Variants in CCSER1 observed in about 807,000 individuals in gnomAD.
CCSER1 encodes the protein coiled-coil serine rich protein 1.
A neutral mutation model predicts 82.0 loss-of-function variants in CCSER1; 41 were observed. The ratio of observed to expected loss-of-function variants is 0.50; its 90% confidence interval spans 0.39 to 0.65. CCSER1 has a LOEUF of 0.65. Among genes scored for constraint, CCSER1 ranks in the 30% least tolerant of loss-of-function variants. CCSER1 has a pLI of 0.00. For missense variants in CCSER1, 1,119 were observed against 1,064.2 expected, an observed-to-expected ratio of 1.05 and a Z score of -0.72; for synonymous variants, 414 against 383.9, an observed-to-expected ratio of 1.08 and a Z score of -0.92.
intron 10 of CCSER1, among the ~76,000 whole-genome samples, chr4:91,523,222 G>T (rs183864430): frequency 1.6e-4 from 24 of 152,292 alleles, no homozygotes; most frequent in African/African-American, 5.5e-4. Context: ...CAGAAATGAA[G>T]CTGACTTGAT....
intron 9 of CCSER1, among the ~76,000 whole-genome samples, chr4:91,054,236 G>C (rs17017997): frequency 0.17 from 26,034 of 152,090 alleles, 2,320 homozygotes; most frequent in Admixed American, 0.23. Flanking sequence ...TGAGGTGAGG[G>C]AGCACCCTAG....
At chr4:90,948,974 G>A (rs1442242578) in intron 9 of CCSER1, among the ~76,000 whole-genome samples, 1 of 151,966 alleles carries the variant, frequency 6.6e-6, no homozygotes, top group African/African-American at 2.4e-5. Context: ...ATTATAATTA[G>A]CGTAACAAGA....
chr4:90,411,923 G>A (rs1372706287), intron 4 of CCSER1, among the ~76,000 whole-genome samples: 1 of 152,070 alleles, frequency 6.6e-6, no homozygotes, highest in Admixed American at 6.5e-5. Flanking sequence ...CTTCAGCAAA[G>A]TCTCAGGATA....
intron 3 of CCSER1, among the ~76,000 whole-genome samples, chr4:90,320,990 A>G (rs1409424445): frequency 6.6e-6 from 1 of 152,092 alleles, no homozygotes; most frequent in Admixed American, 6.6e-5. Context: ...CAGGAATGCA[A>G]TTTATATTAA....
chr4:91,395,470 C>A (rs1478222511), intron 10 of CCSER1, among the ~76,000 whole-genome samples: 1 of 152,010 alleles, frequency 6.6e-6, no homozygotes, highest in Admixed American at 6.6e-5. Context: ...AGCAGAGTAC[C>A]TTATCTTGGA....
intron 9 of CCSER1, among the ~76,000 whole-genome samples, chr4:91,049,449 A>G (rs749324995): frequency 1.3e-5 from 2 of 152,210 alleles, no homozygotes; most frequent in African/African-American, 2.4e-5. Context: ...CAGAGCCTCA[A>G]TTTAGTTGAA....
intron 10 of CCSER1, among the ~76,000 whole-genome samples, chr4:91,346,850 TATAAG>T (rs1408117510): frequency 1.3e-5 from 2 of 152,208 alleles, no homozygotes; most frequent in African/African-American, 4.8e-5. Context: ...ATTTTTGAGT[TATAAG>T]ATATTTTTGT....
chr4:90,570,958 A>G (rs533221146), intron 5 of CCSER1, among the ~76,000 whole-genome samples: 29 of 152,256 alleles, frequency 1.9e-4, no homozygotes, highest in African/African-American at 6.7e-4. Context: ...AAAAACATAC[A>G]AGCAGCTAAC....
At chr4:90,625,781 A>T (rs1330623259) in intron 5 of CCSER1, among the ~76,000 whole-genome samples, 1 of 152,106 alleles carries the variant, frequency 6.6e-6, no homozygotes, top group Non-Finnish European at 1.5e-5. Flanking sequence ...TTAAAAATAT[A>T]TTCAAATTAT....
At chr4:90,615,410 AG>A (rs1721000916) in intron 5 of CCSER1, among the ~76,000 whole-genome samples, 1 of 152,204 alleles carries the variant, frequency 6.6e-6, no homozygotes. Context: ...TCTTCTGGAA[AG>A]AACCATTCTA....
chr4:91,281,902 A>G (rs2149203690), intron 10 of CCSER1, among the ~76,000 whole-genome samples: 1 of 152,302 alleles, frequency 6.6e-6, no homozygotes, highest in African/African-American at 2.4e-5. Context: ...TACAGGCCTC[A>G]GAAATATTTT....
At chr4:90,765,619 TGTCA>T (rs976088669) in intron 7 of CCSER1, among the ~76,000 whole-genome samples, 14 of 152,262 alleles carry the variant, frequency 9.2e-5, no homozygotes, top group Admixed American at 3.9e-4. Context: ...GCTTACTCTT[TGTCA>T]GTCACTCCAC....
rs558876229 is a variant in CCSER1, at chr4:90,840,239, G to A, written c.2094+24394G>A. On this transcript the variant is annotated intron_variant, in intron 8 of 10. Transcript: ENST00000509176. ...TACCAATATCTAATATTAAATGTGT[G>A]TGGGTGGAGAAGAATGAGGAGAAAG... Among the ~76,000 whole-genome samples the A allele has an allele frequency of 5.9e-5, 9 of 152,228 alleles. No individual in the cohort carries two copies. The South Asian group carries it at 1.9e-3, about 32-fold the overall frequency.
chr4:91,031,708 G>T (rs1052293676), intron 9 of CCSER1, among the ~76,000 whole-genome samples: 3 of 151,938 alleles, frequency 2.0e-5, no homozygotes, highest in Non-Finnish European at 4.4e-5. Context: ...GGTTTTCTGA[G>T]AATTAAATTT....
At chr4:90,662,198 C>T (rs1481459099) in intron 6 of CCSER1, among the ~76,000 whole-genome samples, 4 of 152,020 alleles carry the variant, frequency 2.6e-5, no homozygotes, top group Admixed American at 1.3e-4. Flanking sequence ...TGGGTTTCAC[C>T]GTGTTAGCCA....
intron 10 of CCSER1, among the ~76,000 whole-genome samples, chr4:91,437,074 A>C (rs1393154185): frequency 1.3e-5 from 2 of 152,246 alleles, no homozygotes; most frequent in Non-Finnish European, 2.9e-5. Flanking sequence ...GAACTAAAGA[A>C]ACTGAAGAGG....
At chr4:91,367,321 A>C (rs929180410) in intron 10 of CCSER1, among the ~76,000 whole-genome samples, 1 of 144,464 alleles carries the variant, frequency 6.9e-6, no homozygotes, top group Non-Finnish European at 1.5e-5. Context: ...TGTCTCCAAA[A>C]AAAAAAAAAA....
rs184317209 is a variant in CCSER1 at position 90,325,618 on chromosome 4, A to G, written c.1509+12571A>G. 6.1e-3 allele frequency: 2,732 copies of G among 448,472 alleles called. 22 individuals carry two copies. Among genetic ancestry groups the G allele is most frequent in the Non-Finnish European group, 8.8e-3 (1,946 of 221,580 alleles). 27.8% of individuals were successfully genotyped at this position (448,472 alleles called of 1,614,324 possible). ...CAGGGTCTGCGACAGATCTCTGACC[A>G]TCTGAATAGATGCTTCACAATTTGC... On this transcript the variant is annotated intron_variant, in intron 3 of 10. Transcript: ENST00000509176.
intron 10 of CCSER1, among the ~76,000 whole-genome samples, chr4:91,218,635 G>A (rs1399324201): frequency 6.6e-6 from 1 of 152,212 alleles, no homozygotes; most frequent in African/African-American, 2.4e-5. Context: ...TCATTGAATT[G>A]TTGGGCACAA....
Sources: gnomAD v4.1 joint callset for allele counts (sites outside exome capture counted in the v4.1 genomes callset) on GRCh38, gnomAD v4.1.1 for gene constraint, MANE v1.5 for transcripts, NCBI Gene and HGNC (gene_info 2026-07-23, HGNC 2026-07-21) for gene names.